The following HNRNPR variants were observed in gnomAD, a reference collection of about 807,000 sequenced individuals.
The protein encoded by HNRNPR is heterogeneous nuclear ribonucleoprotein R.
A neutral mutation model predicts 70.3 loss-of-function variants in HNRNPR; 4 were observed. The ratio of observed to expected loss-of-function variants is 0.06; its 90% CI spans 0.03 to 0.13. The LOEUF (loss-of-function observed/expected upper bound fraction) is 0.13, where lower values mean the gene tolerates loss of function less well. HNRNPR is among the 10% of genes least tolerant of loss of function. The probability of loss-of-function intolerance (pLI) is 1.00; values close to 1 mark genes in which losing one functional copy is unlikely to be tolerated. For missense variants in HNRNPR, 423 were observed against 788.5 expected (o/e 0.54, Z 5.55); for synonymous variants, 241 against 267.6 (o/e 0.90, Z 0.97).
chr1:23,326,053 G>T (rs890495367), intron 5 of HNRNPR, among the ~76,000 whole-genome samples: 1 of 152,118 alleles, frequency 6.6e-6, no homozygotes, highest in African/African-American at 2.4e-5. Flanking sequence ...GTTGGGGGAA[G>T]AGAGAGGCTC....
chr1:23,344,060 C>T (rs1234267263), intron 1 of HNRNPR, among the ~76,000 whole-genome samples, 151 bp downstream of exon 1: 6 of 151,916 alleles, frequency 3.9e-5, no homozygotes, highest in Non-Finnish European at 8.8e-5. Context: ...GCCGCGCGGG[C>T]GGACTAGACC....
In HNRNPR at chr1:23,309,001, G is replaced by A. The variant is rs948031339; in HGVS notation, c.*1453C>T. The A allele has an allele frequency of 2.0e-5, 3 of 152,024 alleles. No individual in the cohort carries two copies. The highest frequency in any genetic ancestry group is 4.8e-5 in the African/African-American group (2 of 41,420). The allele number at this position is 152,024 out of a possible 1,614,324, so 9.4% of individuals were successfully genotyped here. A position where few individuals can be genotyped will look rare whatever the true frequency, so the allele number is the denominator to read the frequency against. On this transcript the variant is annotated 3_prime_UTR_variant, in exon 11 of 11. Coordinates refer to ENST00000302271, the MANE Select transcript of HNRNPR (RefSeq NM_005826.5). The stretch of plus-strand genomic sequence containing the variant: ...TAATTTGAAAGTGATTCACTTTTCT[G>A]TACCGTAAAGCTTAGATTCTTTTGT...
chr1:23,338,256 C>A, intron 3 of HNRNPR: 1 of 343,964 alleles, frequency 2.9e-6, no homozygotes, highest in Non-Finnish European at 5.2e-6. Context: ...CAAAACTTGG[C>A]TTTAATTTTA....
At chr1:23,315,151 G>A (rs967232247) in intron 8 of HNRNPR, among the ~76,000 whole-genome samples, 38 of 151,732 alleles carry the variant, frequency 2.5e-4, no homozygotes, top group African/African-American at 9.2e-4. Context: ...GTGGTAGGAG[G>A]CACCTATAAC....
At chr1:23,337,080 G>A (rs896698927) in intron 4 of HNRNPR, among the ~76,000 whole-genome samples, 4 of 152,106 alleles carry the variant, frequency 2.6e-5, no homozygotes, top group Admixed American at 6.5e-5. Flanking sequence ...TTCAAAAGGA[G>A]GAAAGCAGTT....
At chr1:23,323,490 A>G (rs1166643508) in intron 6 of HNRNPR, 66 bp downstream of exon 6, 5 of 1,431,404 alleles carry the variant, frequency 3.5e-6, no homozygotes, top group African/African-American at 1.4e-5. Flanking sequence ...AACTACAAAC[A>G]TTTTTGAATT....
chr1:23,316,966 T>G (rs779501065), intron 8 of HNRNPR, among the ~76,000 whole-genome samples: 13 of 152,144 alleles, frequency 8.5e-5, no homozygotes, highest in Non-Finnish European at 1.2e-4. Context: ...CAACCCAGAC[T>G]TTATACAAGT....
chr1:23,314,882 C>T (rs953169334), intron 8 of HNRNPR, among the ~76,000 whole-genome samples: 10 of 152,272 alleles, frequency 6.6e-5, no homozygotes, highest in African/African-American at 2.2e-4. Flanking sequence ...CTAACATAAG[C>T]TTATTCCTTC....
In HNRNPR at chr1:23,325,705, T is replaced by A. The variant is rs530360155; in HGVS notation, c.499-1973A>T. Among the ~76,000 whole-genome samples, 4 of 152,330 alleles carry A rather than the reference T, an allele frequency of 2.6e-5. No individual in the cohort carries two copies. In the East Asian group the frequency reaches 7.7e-4, roughly 29 times the overall value. On this transcript the variant is annotated intron_variant, in intron 5 of 10. Coordinates refer to ENST00000302271, the MANE Select transcript of HNRNPR (RefSeq NM_005826.5). ...ATTTCTTCTTACCACTTTCTGGAAA[T>A]AACTGCAAATCGTTATTCCTTCAAC...
At chr1:23,311,489 CAAAG>C (rs1358577909) in intron 9 of HNRNPR, among the ~76,000 whole-genome samples, 167 bp from the exon 10 acceptor site, 1 of 152,094 alleles carries the variant, frequency 6.6e-6, no homozygotes, top group Non-Finnish European at 1.5e-5. Flanking sequence ...CACAAACACA[CAAAG>C]AAAATACGTT....
chr1:23,312,937 T>C (rs192097660), intron 9 of HNRNPR, among the ~76,000 whole-genome samples: 9 of 152,260 alleles, frequency 5.9e-5, no homozygotes, highest in East Asian at 3.9e-4. Context: ...TCCTAAACCA[T>C]TGTCGATAGA....
intron 3 of HNRNPR, chr1:23,338,150 C>T: frequency 3.0e-6 from 1 of 331,360 alleles, no homozygotes; most frequent in Non-Finnish European, 5.4e-6. Context: ...ACTATTCCTC[C>T]CACCTACATT....
intron 6 of HNRNPR, 148 bp from the exon 7 acceptor site, chr1:23,321,811 A>G (rs894807792): frequency 1.1e-5 from 8 of 696,576 alleles, no homozygotes; most frequent in African/African-American, 1.1e-4. Flanking sequence ...ATATGAATGT[A>G]TATTTTAAAC....
In HNRNPR at chr1:23,308,260, G is replaced by T. The variant is rs1645235115; in HGVS notation, c.*2194C>A. 1 of 151,988 alleles carries T rather than the reference G, an allele frequency of 6.6e-6. No homozygotes were observed. Among genetic ancestry groups the T allele is most frequent in the Non-Finnish European group, 1.5e-5 (1 of 67,886 alleles). 9.4% of individuals were successfully genotyped at this position (151,988 alleles called of 1,614,324 possible). A position where few individuals can be genotyped will look rare whatever the true frequency, so the allele number is the denominator to read the frequency against. On this transcript the variant is annotated 3_prime_UTR_variant, in exon 11 of 11. Transcript: ENST00000302271. ...CAATTAAAGGAAAGGATTTTGACAT[G>T]GAACCCAAGTTTTAATCTTATGTTT...
Position 23,310,363 on chromosome 1 carries a change from G to C in HNRNPR, c.*91C>G, listed in dbSNP as rs1645282072. 6 of 1,266,932 alleles carry C rather than the reference G, an allele frequency of 4.7e-6. No homozygotes were observed. Among genetic ancestry groups the C allele is most frequent in the Non-Finnish European group, 6.5e-6 (6 of 922,238 alleles). 78.5% of individuals were successfully genotyped at this position (1,266,932 alleles called of 1,614,324 possible). ...AAATGGCAGCAAAATGCTACTTAAA[G>C]ATGAAACAGTTAAGCCAATTTTTTT... On this transcript the variant is annotated 3_prime_UTR_variant, in exon 11 of 11. Transcript: ENST00000302271. This position sits in a 1 kb window ranked among gnomAD's most constrained non-coding sequence, Gnocchi z 6.0.
At chr1:23,325,849 C>A (rs982729920) in intron 5 of HNRNPR, among the ~76,000 whole-genome samples, 2 of 152,074 alleles carry the variant, frequency 1.3e-5, no homozygotes, top group African/African-American at 4.8e-5. Context: ...TATTTATTTC[C>A]TTTCACTGAT....
At chr1:23,315,939 G>A (rs1645526811) in intron 8 of HNRNPR, among the ~76,000 whole-genome samples, 1 of 152,146 alleles carries the variant, frequency 6.6e-6, no homozygotes, top group African/African-American at 2.4e-5. Context: ...ACTTTTCTAT[G>A]ATGAAACGAT....
rs1305714502 is a variant in HNRNPR, at chr1:23,310,643, G to T, written c.1713C>A (p.Gly571=). The change falls in exon 11 of 11, where the codon GGC becomes GGA. Residue 571 remains glycine (G), a synonymous_variant. Coordinates refer to ENST00000302271, the MANE Select transcript of HNRNPR (RefSeq NM_005826.5). The surrounding 1 kb of genome is among the most constrained non-coding windows in gnomAD (Gnocchi z 6.0). ...GGTTGTACCCATCTGCCTTTCTCTT[G>T]CCTCCTACATTGCCCCCACGATTGC... ...SRGNRGGNVG[G]KRKADGYNQP... 1 of 1,613,806 alleles carries T rather than the reference G, an allele frequency of 6.2e-7. No individual in the cohort carries two copies. Among genetic ancestry groups the T allele is most frequent in the Non-Finnish European group, 8.5e-7 (1 of 1,179,870 alleles).
chr1:23,330,117 A>G (rs1329520588), intron 5 of HNRNPR, among the ~76,000 whole-genome samples: 2 of 152,182 alleles, frequency 1.3e-5, no homozygotes, highest in Non-Finnish European at 2.9e-5. Context: ...AAAGAATGAG[A>G]TCTCAATCTA....
Sources: allele counts gnomAD v4.1 joint callset (sites outside exome capture counted in the v4.1 genomes callset), GRCh38; gene constraint gnomAD v4.1.1; non-coding constraint Gnocchi (gnomAD v3.1); transcripts MANE v1.5; gene names NCBI Gene and HGNC (gene_info 2026-07-23, HGNC 2026-07-21).